Variants in OSBPL3 observed in about 807,000 individuals in gnomAD.
OSBPL3 encodes oxysterol-binding protein-related protein 3.
Under a neutral mutation model 120.1 loss-of-function variants are expected in OSBPL3, and 65 were observed. The observed-to-expected ratio is 0.54, with a 90% CI of 0.44 to 0.67. OSBPL3 has a LOEUF of 0.67. Ranked by LOEUF, OSBPL3 falls within the 30% of genes least tolerant of loss-of-function variation. The probability of loss-of-function intolerance (pLI) is 0.00; values close to 1 mark genes in which losing one functional copy is unlikely to be tolerated. For missense variants in OSBPL3, 1,004 were observed against 1,082.1 expected, an observed-to-expected ratio of 0.93 and a Z score of 1.01; for synonymous variants, 416 against 402.6, an observed-to-expected ratio of 1.03 and a Z score of -0.40.
intron 1 of OSBPL3, among the ~76,000 whole-genome samples, chr7:24,910,058 G>A (rs1033822156): frequency 6.6e-6 from 1 of 151,864 alleles, no homozygotes; most frequent in African/African-American, 2.4e-5. Context: ...CACCTGCCTC[G>A]GCCTCCCAAA....
At chr7:24,909,963 C>A (rs182942520) in intron 1 of OSBPL3, among the ~76,000 whole-genome samples, 13 of 151,794 alleles carry the variant, frequency 8.6e-5, no homozygotes, top group Admixed American at 2.0e-4. Context: ...CACCACCATG[C>A]CCGGCTAATT....
intron 10 of OSBPL3, among the ~76,000 whole-genome samples, chr7:24,860,245 C>T (rs1258809426): frequency 6.6e-6 from 1 of 152,212 alleles, no homozygotes; most frequent in Non-Finnish European, 1.5e-5. Flanking sequence ...ATCACACTCC[C>T]CTTTACTTCC....
chr7:24,840,985 C>T (rs750939704), intron 13 of OSBPL3, among the ~76,000 whole-genome samples: 22 of 152,122 alleles, frequency 1.4e-4, no homozygotes, highest in African/African-American at 3.1e-4. Flanking sequence ...TTACACATTC[C>T]GAATTAGTTC....
At chr7:24,836,934 A>C (rs1797073396) in intron 14 of OSBPL3, among the ~76,000 whole-genome samples, 1 of 152,166 alleles carries the variant, frequency 6.6e-6, no homozygotes, top group Non-Finnish European at 1.5e-5. Context: ...TCACCGGCTC[A>C]AGCAATCTTC....
intron 1 of OSBPL3, among the ~76,000 whole-genome samples, chr7:24,908,560 T>A (rs942928982): frequency 6.6e-6 from 1 of 152,192 alleles, no homozygotes; most frequent in Non-Finnish European, 1.5e-5. Flanking sequence ...CAGTAAAACA[T>A]CCCCTTCTAA....
In OSBPL3 at chr7:24,959,561, C is replaced by T. The variant is rs1486458349; in HGVS notation, c.-150+20325G>A. On this transcript the variant is annotated intron_variant, in intron 1 of 22. Coordinates refer to ENST00000313367, the MANE Select transcript of OSBPL3 (RefSeq NM_015550.4). The surrounding 1 kb of genome is among the most constrained non-coding windows in gnomAD (Gnocchi z 4.3). ...CCATTGCGGGTAGGGATAGCGACTTCGGAAGAGCTGGTAATCACCTGTTTC... is the reference window on the plus strand; with the variant it reads ...CCATTGCGGGTAGGGATAGCGACTTTGGAAGAGCTGGTAATCACCTGTTTC... 6.6e-6 allele frequency among the ~76,000 whole-genome samples: 1 copy of T among 152,146 alleles called. No homozygotes were observed. Among genetic ancestry groups the T allele is most frequent in the East Asian group, 1.9e-4 (1 of 5,202 alleles).
intron 22 of OSBPL3, 43 bp from the exon 23 acceptor site, chr7:24,800,322 C>G (rs371253300): frequency 1.7e-6 from 2 of 1,149,946 alleles, no homozygotes; most frequent in East Asian, 4.8e-5. Flanking sequence ...TTGAAACCAG[C>G]GTCACATTCT....
chr7:24,836,787 T>G (rs77458529), intron 14 of OSBPL3, among the ~76,000 whole-genome samples: 8,301 of 152,286 alleles, frequency 0.055, 627 homozygotes, highest in African/African-American at 0.18. Context: ...ACTGTGCATC[T>G]CATGTTAATC....
chr7:24,803,114 C>A lies in OSBPL3; in HGVS notation c.2567+1201G>T, dbSNP rs754332501. Among the ~76,000 whole-genome samples, 1 of 152,126 alleles carries A rather than the reference C, an allele frequency of 6.6e-6. No individual in the cohort carries two copies. Among genetic ancestry groups the A allele is most frequent in the Non-Finnish European group, 1.5e-5 (1 of 68,026 alleles). On this transcript the variant is annotated intron_variant, in intron 22 of 22. Transcript: ENST00000313367. The surrounding 1 kb of genome is among the most constrained non-coding windows in gnomAD (Gnocchi z 4.2). Reference sequence around the variant, plus strand: ...ATGTTTTGGAATACAGATTTTATTACTGCTGCTGTTATTAATAACTAAATC... The same window carrying A: ...ATGTTTTGGAATACAGATTTTATTAATGCTGCTGTTATTAATAACTAAATC...
chr7:24,976,368 CAG>C (rs1159871049), intron 1 of OSBPL3, among the ~76,000 whole-genome samples: 12 of 152,162 alleles, frequency 7.9e-5, no homozygotes, highest in Middle Eastern at 6.8e-3. Flanking sequence ...ATGGAAAAAA[CAG>C]AGACAGAGGT....
Position 24,872,458 on chromosome 7 carries a change from T to A in OSBPL3, c.97-389A>T, listed in dbSNP as rs1040110553. 9.5e-5 allele frequency among the ~76,000 whole-genome samples: 14 copies of A among 147,786 alleles called. No homozygotes were observed. The highest frequency in any genetic ancestry group is 3.9e-4 in the East Asian group (2 of 5,162). ...TTTTAACCGAAAGAGAGTGTGTGTG[T>A]GTGTGTGTGTGTGTGTGTGTGTGTG... is the stretch of plus-strand genomic sequence containing the variant. On this transcript the variant is annotated intron_variant, in intron 2 of 22. Coordinates refer to ENST00000313367, the MANE Select transcript of OSBPL3 (RefSeq NM_015550.4). The surrounding 1 kb of genome is among the most constrained non-coding windows in gnomAD (Gnocchi z 4.1).
In OSBPL3 at chr7:24,925,070, G is replaced by A. The variant is rs559209544; in HGVS notation, c.-149-32449C>T. On this transcript the variant is annotated intron_variant, in intron 1 of 22. Transcript: ENST00000313367. ...TACATACAATTAACATTCAAAAAAC[G>A]TTACTAAAGATTTCTAAATGACATG... Among the ~76,000 whole-genome samples, 5 of 152,258 alleles carry A rather than the reference G, an allele frequency of 3.3e-5. No homozygotes were observed. In the South Asian group the frequency reaches 6.2e-4, roughly 19 times the overall value.
chr7:24,889,032 C>T (rs1804938385), intron 2 of OSBPL3, among the ~76,000 whole-genome samples: 1 of 152,186 alleles, frequency 6.6e-6, no homozygotes, highest in Non-Finnish European at 1.5e-5. Flanking sequence ...AAATGCCACC[C>T]TCACTCCAAA....
chr7:24,909,778 TC>T (rs1488659681), intron 1 of OSBPL3, among the ~76,000 whole-genome samples: 12 of 130,096 alleles, frequency 9.2e-5, no homozygotes, highest in East Asian at 2.2e-4. Context: ...GTTTTTTTTT[TC>T]TTTCTTTTTT....
At chr7:24,949,039 G>A in intron 1 of OSBPL3, among the ~76,000 whole-genome samples, 1 of 152,234 alleles carries the variant, frequency 6.6e-6, no homozygotes, top group East Asian at 1.9e-4. Flanking sequence ...TGTAAACTGT[G>A]TCACACCAGG....
At chr7:24,856,681 C>T (rs938222381) in intron 10 of OSBPL3, among the ~76,000 whole-genome samples, 1 of 152,104 alleles carries the variant, frequency 6.6e-6, no homozygotes, top group African/African-American at 2.4e-5. Context: ...AGATGATGGG[C>T]ACATCTGAGG....
intron 7 of OSBPL3, among the ~76,000 whole-genome samples, chr7:24,864,941 T>C (rs1366568031): frequency 6.6e-6 from 1 of 152,176 alleles, no homozygotes; most frequent in Non-Finnish European, 1.5e-5. Flanking sequence ...CTCTGGGTGA[T>C]TCTAATGTGC....
rs1465974190 is a variant in OSBPL3, at chr7:24,883,516, G to A, written c.96+8861C>T. On this transcript the variant is annotated intron_variant, in intron 2 of 22. Coordinates refer to ENST00000313367, the MANE Select transcript of OSBPL3 (RefSeq NM_015550.4). The surrounding 1 kb of genome is among the most constrained non-coding windows in gnomAD (Gnocchi z 5.4). The stretch of plus-strand genomic sequence containing the variant: ...CTCTCAACCAGAGCATCTGGGCCAG[G>A]GTTCTGCCTTCCTGTATCTTAAATG... Among the ~76,000 whole-genome samples, 1 of 152,102 alleles carries A rather than the reference G, an allele frequency of 6.6e-6. No homozygotes were observed. The highest frequency in any genetic ancestry group is 6.5e-5 in the Admixed American group (1 of 15,270).
chr7:24,831,379 A>G lies in OSBPL3; in HGVS notation c.1747-474T>C, dbSNP rs1796344822. Among the ~76,000 whole-genome samples, 1 of 152,236 alleles carries G rather than the reference A, an allele frequency of 6.6e-6. No homozygotes were observed. Among genetic ancestry groups the G allele is most frequent in the Non-Finnish European group, 1.5e-5 (1 of 68,040 alleles). The stretch of plus-strand genomic sequence containing the variant: ...TCAAAATGTGGTATTATAGAAACCA[A>G]AACATTCATTTTGACCAAAGAAAAT... On this transcript the variant is annotated intron_variant, in intron 15 of 22. Transcript: ENST00000313367. This position sits in a 1 kb window ranked among gnomAD's most constrained non-coding sequence, Gnocchi z 4.0.
Sources: allele counts gnomAD v4.1 joint callset (sites outside exome capture counted in the v4.1 genomes callset), GRCh38; gene constraint gnomAD v4.1.1; non-coding constraint Gnocchi (gnomAD v3.1); transcripts MANE v1.5; gene names NCBI Gene and HGNC (gene_info 2026-07-23, HGNC 2026-07-21).